DNAH14: variants seen among roughly 807,000 people sequenced by gnomAD.
DNAH14 encodes axonemal beta dynein heavy chain 14.
Under a neutral mutation model 520.9 loss-of-function variants are expected in DNAH14, and 478 were observed. The ratio of observed to expected loss-of-function variants is 0.92; its 90% CI spans 0.85 to 0.99. DNAH14 has a LOEUF of 0.99. Ranked by LOEUF, DNAH14 falls within the 50% of genes least tolerant of loss-of-function variation. The pLI is 0.00. For missense variants in DNAH14, 4,831 were observed against 5,234.5 expected, an observed-to-expected ratio of 0.92 and a Z score of 2.38; for synonymous variants, 1,581 against 1,757.2, an observed-to-expected ratio of 0.90 and a Z score of 2.51.
In DNAH14 at chr1:225,160,797, A is replaced by AT. The variant is rs564878615; in HGVS notation, c.5445+1319dup. ...GCATTGTCTGTTTATCTGATATATT[A>AT]TTTTTTTCTCAAAAAACTAGCCTTC... On this transcript the variant is annotated intron_variant, in intron 35 of 85. Coordinates refer to ENST00000682510, the MANE Select transcript of DNAH14 (RefSeq NM_001367479.1). Among the ~76,000 whole-genome samples the AT allele has an allele frequency of 1.8e-3, 281 of 152,086 alleles. 1 individual carries two copies. Among genetic ancestry groups the AT allele is most frequent in the Non-Finnish European group, 3.3e-3 (227 of 67,956 alleles).
At chr1:225,049,983 C>A (rs1375029331) in intron 15 of DNAH14, among the ~76,000 whole-genome samples, 1 of 152,116 alleles carries the variant, frequency 6.6e-6, no homozygotes, top group African/African-American at 2.4e-5. Context: ...TTCAATCATG[C>A]CTCCCATCAC....
intron 23 of DNAH14, 94 bp downstream of exon 23, chr1:225,100,978 C>G: frequency 1.9e-6 from 2 of 1,058,046 alleles, no homozygotes; most frequent in Non-Finnish European, 2.6e-6. Flanking sequence ...AATTCCAGTG[C>G]AGATTTTCTT....
chr1:225,395,904 A>T lies in DNAH14; in HGVS notation c.13492-2616A>T, dbSNP rs997932062. On this transcript the variant is annotated intron_variant, in intron 84 of 85. Coordinates refer to ENST00000682510, the MANE Select transcript of DNAH14 (RefSeq NM_001367479.1). ...TAAGATGATTCCGAGACTACCCAGA[A>T]TTAGTGAACGTTAGGAACATGTCAG... is the stretch of plus-strand genomic sequence containing the variant. 4.6e-5 allele frequency: 7 copies of T among 152,214 alleles called. 1 individual carries two copies. The highest frequency in any genetic ancestry group is 4.6e-4 in the Admixed American group (7 of 15,274). 9.4% of individuals were successfully genotyped at this position (152,214 alleles called of 1,614,324 possible). A position where few individuals can be genotyped will look rare whatever the true frequency, so the allele number is the denominator to read the frequency against.
At chr1:224,993,893 G>C (rs996041014) in intron 8 of DNAH14, among the ~76,000 whole-genome samples, 1 of 151,814 alleles carries the variant, frequency 6.6e-6, no homozygotes, top group Non-Finnish European at 1.5e-5. Flanking sequence ...ATTTTTGTTT[G>C]TCTCAAGATA....
At chr1:225,008,795 A>G (rs568348975) in intron 10 of DNAH14, among the ~76,000 whole-genome samples, 1 of 151,478 alleles carries the variant, frequency 6.6e-6, no homozygotes, top group East Asian at 1.9e-4. Flanking sequence ...TTTGATTTGC[A>G]TTTCTTTCAT....
Position 225,273,070 on chromosome 1 carries a change from C to T in DNAH14, c.7955C>T (p.Thr2652Ile), listed in dbSNP as rs749366183. The change falls in exon 52 of 86, where the codon ACT (threonine) becomes ATT (isoleucine). Residue 2652 changes from threonine to isoleucine, a missense_variant. Coordinates refer to ENST00000682510, the MANE Select transcript of DNAH14 (RefSeq NM_001367479.1). ...TTTCACGATCGCTTAATTGATTTCACTGATAAAAGCCTTTTCTATCGGTTG... is the reference window on the plus strand; with the variant it reads ...TTTCACGATCGCTTAATTGATTTCATTGATAAAAGCCTTTTCTATCGGTTG... ...RVFHDRLIDF[T>I]DKSLFYRLLS... 4 of 1,551,632 alleles carry T rather than the reference C, an allele frequency of 2.6e-6. No homozygotes were observed. The highest frequency in any genetic ancestry group is 2.6e-6 in the Non-Finnish European group (3 of 1,146,982).
intron 17 of DNAH14, among the ~76,000 whole-genome samples, chr1:225,071,487 C>G (rs1203795737): frequency 6.6e-6 from 1 of 151,982 alleles, no homozygotes; most frequent in African/African-American, 2.4e-5. Context: ...TTTTTTTCTT[C>G]AAGTATGTTG....
chr1:225,098,566 GTTTAAA>G (rs574196644), intron 22 of DNAH14, among the ~76,000 whole-genome samples: 36 of 152,160 alleles, frequency 2.4e-4, no homozygotes, highest in South Asian at 4.1e-4. Context: ...AAAGGGAACT[GTTTAAA>G]TTTAAGTATT....
At chr1:225,383,047 G>A (rs567012639) in intron 81 of DNAH14, among the ~76,000 whole-genome samples, 2 of 152,208 alleles carry the variant, frequency 1.3e-5, no homozygotes, top group Non-Finnish European at 2.9e-5. Context: ...GTGGGTGACA[G>A]AGAACTGGAG....
In DNAH14 at chr1:225,097,184, T is replaced by C; in HGVS notation, c.3640T>C (p.Cys1214Arg). The change falls in exon 22 of 86, where the codon TGT (cysteine) becomes CGT (arginine). Residue 1214 changes from cysteine (C) to arginine (R), a missense_variant. Transcript: ENST00000682510. ...TTACACCCTTGAGGAATGGATGAAT[T>C]GTCAAAGAAATTGGCTTTATCTTGA... ...FSYTLEEWMN[C>R]QRNWLYLEPV... is the part of the protein sequence containing the mutation. 6.4e-7 allele frequency: 1 copy of C among 1,550,736 alleles called. No homozygotes were observed. The highest frequency in any genetic ancestry group is 8.7e-7 in the Non-Finnish European group (1 of 1,146,488).
chr1:224,955,919 T>C (rs1238268082), intron 3 of DNAH14, among the ~76,000 whole-genome samples: 2 of 152,130 alleles, frequency 1.3e-5, no homozygotes, highest in Admixed American at 6.6e-5. Flanking sequence ...TCCTTACCTC[T>C]AATTCATTCC....
intron 54 of DNAH14, among the ~76,000 whole-genome samples, chr1:225,278,030 GT>G (rs1454828575): frequency 6.6e-6 from 1 of 151,836 alleles, no homozygotes; most frequent in African/African-American, 2.4e-5. Context: ...ATTTATAACT[GT>G]TTGGTTAATT....
chr1:225,336,398 G>T (rs2095055884), intron 66 of DNAH14, among the ~76,000 whole-genome samples: 1 of 151,782 alleles, frequency 6.6e-6, no homozygotes, highest in Admixed American at 6.6e-5. Flanking sequence ...AATAGGAATT[G>T]GTTTAATTCT....
At chr1:225,140,089 A>G (rs1035026411) in intron 27 of DNAH14, among the ~76,000 whole-genome samples, 1 of 152,216 alleles carries the variant, frequency 6.6e-6, no homozygotes, top group African/African-American at 2.4e-5. Flanking sequence ...ATATCTTGAT[A>G]GCTCTTATGT....
chr1:225,007,457 G>T lies in DNAH14; in HGVS notation c.1020G>T (p.Glu340Asp). Residue 340 changes from glutamate to aspartate, a missense_variant, in exon 10 of 86, where the codon GAG becomes GAT. Transcript: ENST00000682510. ...ATTCTCTAGATGAATTTTGTGAAGA[G>T]CAGTTACAGCAAGCTACCCAGGCAT... ...RTYSLDEFCEEQLQQATQALK... is the reference protein window; with the variant it reads ...RTYSLDEFCEDQLQQATQALK... The T allele has an allele frequency of 6.5e-7, 1 of 1,541,110 alleles. No individual in the cohort carries two copies. The highest frequency in any genetic ancestry group is 8.8e-7 in the Non-Finnish European group (1 of 1,140,952).
At chr1:225,073,189 C>T (rs117005749) in intron 17 of DNAH14, among the ~76,000 whole-genome samples, 40 of 152,276 alleles carry the variant, frequency 2.6e-4, no homozygotes, top group Admixed American at 5.2e-4. Context: ...GTTGGGGACA[C>T]GCTTAAAAAA....
At chr1:225,334,577 T>G (rs889417251) in intron 66 of DNAH14, among the ~76,000 whole-genome samples, 3 of 152,190 alleles carry the variant, frequency 2.0e-5, no homozygotes, top group Non-Finnish European at 2.9e-5. Flanking sequence ...AAGATGACAC[T>G]ATTAGCAAAC....
intron 37 of DNAH14, among the ~76,000 whole-genome samples, chr1:225,191,155 A>G (rs1000520414): frequency 1.3e-5 from 2 of 151,954 alleles, no homozygotes; most frequent in Admixed American, 6.6e-5. Flanking sequence ...AGAGATCTTT[A>G]TTTCTTCAAA....
intron 62 of DNAH14, among the ~76,000 whole-genome samples, chr1:225,323,341 T>C (rs774517390): frequency 1.3e-5 from 2 of 152,204 alleles, no homozygotes; most frequent in Non-Finnish European, 2.9e-5. Context: ...GTTAACCTGT[T>C]TTGTTTTTGT....
Sources: allele counts gnomAD v4.1 joint callset (sites outside exome capture counted in the v4.1 genomes callset), GRCh38; gene constraint gnomAD v4.1.1; transcripts MANE v1.5; gene names NCBI Gene and HGNC (gene_info 2026-07-23, HGNC 2026-07-21).